Variants in TTC28 observed in about 807,000 individuals in gnomAD.
TTC28 encodes the protein tetratricopeptide repeat protein 28.
TTC28 carries 61 observed loss-of-function variants against 198.0 expected under a neutral mutation model. The ratio of observed to expected loss-of-function variants is 0.31; its 90% confidence interval spans 0.25 to 0.38. TTC28 has a LOEUF of 0.38. TTC28 is among the 10% of genes least tolerant of loss of function. The pLI, the probability that TTC28 is intolerant of heterozygous loss-of-function variation, is 1.00. For synonymous variants in TTC28, 1,171 were observed against 1,297.8 expected, an observed-to-expected ratio of 0.90 and a Z score of 2.10; for missense variants, 2,678 against 3,164.0, an observed-to-expected ratio of 0.85 and a Z score of 3.69.
intron 2 of TTC28, among the ~76,000 whole-genome samples, chr22:28,505,323 G>A (rs1478309214): frequency 1.3e-5 from 2 of 150,570 alleles, no homozygotes; most frequent in Admixed American, 6.6e-5. Flanking sequence ...CCGATTAGAA[G>A]CAGCTGCGCT....
chr22:28,595,314 T>C (rs548992794), intron 2 of TTC28, among the ~76,000 whole-genome samples: 7 of 152,322 alleles, frequency 4.6e-5, no homozygotes, highest in African/African-American at 1.7e-4. Flanking sequence ...AAGTCAAGAA[T>C]TGGTCAGTAA....
intron 2 of TTC28, among the ~76,000 whole-genome samples, chr22:28,498,979 C>T (rs764190379): frequency 1.3e-4 from 20 of 151,868 alleles, no homozygotes; most frequent in Middle Eastern, 3.4e-3. Flanking sequence ...AGTTTGAAAC[C>T]GGTCTGGGCA....
At chr22:28,114,803 C>T (rs1029965774) in intron 6 of TTC28, among the ~76,000 whole-genome samples, 1 of 152,130 alleles carries the variant, frequency 6.6e-6, no homozygotes, top group African/African-American at 2.4e-5. Context: ...CCAGGCTAGT[C>T]TCAAACTCTT....
chr22:28,421,119 T>C (rs1460959995), intron 2 of TTC28, among the ~76,000 whole-genome samples: 6 of 152,198 alleles, frequency 3.9e-5, no homozygotes, highest in Non-Finnish European at 2.9e-5. Context: ...ATAACTAACA[T>C]GGACCCAAAT....
intron 6 of TTC28, among the ~76,000 whole-genome samples, chr22:28,131,972 A>T (rs1040896312): frequency 6.6e-6 from 1 of 152,208 alleles, no homozygotes; most frequent in Non-Finnish European, 1.5e-5. Context: ...AAGATTCAAA[A>T]AATTCAATTT....
intron 5 of TTC28, among the ~76,000 whole-genome samples, chr22:28,287,473 G>C (rs2044706547): frequency 6.6e-6 from 1 of 152,150 alleles, no homozygotes; most frequent in South Asian, 2.1e-4. Flanking sequence ...ATATTAGGTA[G>C]AGAAGATGAG....
chr22:28,477,093 C>G (rs2048178076), intron 2 of TTC28, among the ~76,000 whole-genome samples: 1 of 152,076 alleles, frequency 6.6e-6, no homozygotes, highest in African/African-American at 2.4e-5. Context: ...TGTACAACTC[C>G]CCATCAAAAT....
Position 28,424,035 on chromosome 22 carries a change from C to T in TTC28, c.382-117392G>A, listed in dbSNP as rs1473389452. On this transcript the variant is annotated intron_variant, in intron 2 of 22. Transcript: ENST00000397906. ...AGGTACTATAAAGACCCAGGAAATA[C>T]ATTTTCCTGATTTATCATTTTTGGT... is the stretch of plus-strand genomic sequence containing the variant. Among the ~76,000 whole-genome samples the T allele has an allele frequency of 7.2e-5, 11 of 152,252 alleles. No homozygotes were observed. The East Asian group carries it at 2.1e-3, about 29-fold the overall frequency.
chr22:28,085,661 A>G (rs1941561421), intron 12 of TTC28, among the ~76,000 whole-genome samples: 1 of 152,096 alleles, frequency 6.6e-6, no homozygotes, highest in Non-Finnish European at 1.5e-5. Context: ...ACACATAACA[A>G]TATTAACTTT....
intron 2 of TTC28, among the ~76,000 whole-genome samples, chr22:28,431,776 G>A (rs922374078): frequency 1.3e-5 from 2 of 152,050 alleles, no homozygotes; most frequent in Non-Finnish European, 2.9e-5. Flanking sequence ...CCAGGAGTTC[G>A]AGACCTGCCT....
At chr22:28,324,787 T>C (rs1181966421) in intron 2 of TTC28, among the ~76,000 whole-genome samples, 1 of 152,194 alleles carries the variant, frequency 6.6e-6, no homozygotes, top group Non-Finnish European at 1.5e-5. Flanking sequence ...AATATCATAC[T>C]GAATGGGCAA....
chr22:28,483,657 C>T (rs1378396420), intron 2 of TTC28, among the ~76,000 whole-genome samples: 8 of 152,178 alleles, frequency 5.3e-5, no homozygotes. Context: ...TGGCAACCCA[C>T]CTACTTTTCT....
At chr22:28,518,368 C>T (rs939063185) in intron 2 of TTC28, among the ~76,000 whole-genome samples, 8 of 152,220 alleles carry the variant, frequency 5.3e-5, no homozygotes, top group South Asian at 2.1e-4. Flanking sequence ...GTAATCCCAG[C>T]GCTTTGGGAG....
chr22:28,261,779 T>G (rs1931340375), intron 5 of TTC28, among the ~76,000 whole-genome samples: 1 of 152,142 alleles, frequency 6.6e-6, no homozygotes, highest in African/African-American at 2.4e-5. Flanking sequence ...GGTCTTGAAC[T>G]CCTGTGCTCA....
intron 2 of TTC28, among the ~76,000 whole-genome samples, chr22:28,314,159 T>C (rs968930694): frequency 1.3e-5 from 2 of 152,172 alleles, no homozygotes. Flanking sequence ...TTACAAGGGA[T>C]GTGACAGACC....
chr22:28,177,536 AC>A (rs1923283364), intron 5 of TTC28, among the ~76,000 whole-genome samples: 1 of 152,220 alleles, frequency 6.6e-6, no homozygotes, highest in Non-Finnish European at 1.5e-5. Flanking sequence ...ACACATGTCC[AC>A]ACGAAAACCT....
chr22:28,357,743 T>G (rs1242969505), intron 2 of TTC28, among the ~76,000 whole-genome samples: 1 of 152,104 alleles, frequency 6.6e-6, no homozygotes. Context: ...AGGTGAAAAG[T>G]TAGTTTTCTT....
chr22:28,649,236 AT>A (rs952286813), intron 1 of TTC28, among the ~76,000 whole-genome samples: 2 of 152,180 alleles, frequency 1.3e-5, no homozygotes, highest in Non-Finnish European at 2.9e-5. Context: ...GGGCTAAGGG[AT>A]AAAAAACTAC....
chr22:28,209,949 AG>A (rs1443261656), intron 5 of TTC28, among the ~76,000 whole-genome samples: 1 of 152,182 alleles, frequency 6.6e-6, no homozygotes, highest in Non-Finnish European at 1.5e-5. Context: ...TTCCAGAGGA[AG>A]GATCAGGCAG....
Sources: gnomAD v4.1 joint callset for allele counts (sites outside exome capture counted in the v4.1 genomes callset) on GRCh38, gnomAD v4.1.1 for gene constraint, MANE v1.5 for transcripts, NCBI Gene and HGNC (gene_info 2026-07-23, HGNC 2026-07-21) for gene names.